The following DGKB variants were observed in gnomAD, a reference collection of about 807,000 sequenced individuals.
DGKB encodes 90 kDa diacylglycerol kinase.
A neutral mutation model predicts 114.3 loss-of-function variants in DGKB; 67 were observed. The ratio of observed to expected loss-of-function variants is 0.59; its 90% CI spans 0.48 to 0.72. The LOEUF (loss-of-function observed/expected upper bound fraction) is 0.72, where lower values mean the gene tolerates loss of function less well. DGKB is among the 30% of genes least tolerant of loss of function. The pLI, the probability that DGKB is intolerant of heterozygous loss-of-function variation, is 0.00. For synonymous variants in DGKB, 398 were observed against 323.1 expected (o/e 1.23, Z -2.49); for missense variants, 907 against 975.2 (o/e 0.93, Z 0.93).
chr7:14,841,820 A>G (rs1028718625), intron 1 of DGKB, among the ~76,000 whole-genome samples: 1 of 152,234 alleles, frequency 6.6e-6, no homozygotes, highest in African/African-American at 2.4e-5. Context: ...AATGTTCATC[A>G]GCACTAGCAT....
intron 20 of DGKB, among the ~76,000 whole-genome samples, chr7:14,548,991 G>A (rs1315014831): frequency 6.6e-6 from 1 of 151,314 alleles, no homozygotes; most frequent in Admixed American, 6.6e-5. Context: ...ATGAGGAGGA[G>A]TGAAATAACC....
chr7:14,411,343 A>T (rs1824845978), intron 21 of DGKB, among the ~76,000 whole-genome samples: 2 of 152,156 alleles, frequency 1.3e-5, no homozygotes, highest in South Asian at 4.1e-4. Flanking sequence ...TCAGGACGTA[A>T]ACCCATTGTA....
intron 20 of DGKB, among the ~76,000 whole-genome samples, chr7:14,544,866 G>C (rs1329379274): frequency 6.6e-6 from 1 of 151,896 alleles, no homozygotes; most frequent in Non-Finnish European, 1.5e-5. Flanking sequence ...TTTTTCCCCT[G>C]TAAGTCAGTT....
At chr7:14,301,103 TA>T in intron 23 of DGKB, among the ~76,000 whole-genome samples, 1 of 152,170 alleles carries the variant, frequency 6.6e-6, no homozygotes. Context: ...AATAAAAGAT[TA>T]CACTTTTTCT....
intron 5 of DGKB, among the ~76,000 whole-genome samples, chr7:14,720,733 G>C (rs1219760626): frequency 2.0e-5 from 3 of 151,494 alleles, no homozygotes; most frequent in Admixed American, 2.0e-4. Flanking sequence ...TATCAACAGA[G>C]ACATATATTG....
chr7:14,414,752 T>G (rs1825440914), intron 21 of DGKB, among the ~76,000 whole-genome samples: 1 of 152,150 alleles, frequency 6.6e-6, no homozygotes, highest in Non-Finnish European at 1.5e-5. Flanking sequence ...CACACAGTCC[T>G]TGACTTCATT....
rs1005205497 is a variant in DGKB at position 14,468,676 on chromosome 7, A to T, written c.1835+9485T>A. Among the ~76,000 whole-genome samples the T allele has an allele frequency of 4.6e-5, 7 of 151,754 alleles. 1 individual carries two copies. Among genetic ancestry groups the T allele is most frequent in the African/African-American group, 1.7e-4 (7 of 41,246 alleles). ...TTCCTGAAAGTTTGCGTGTAGGCAT[A>T]CAAGCTACAACAATGAGTAGAAATT... On this transcript the variant is annotated intron_variant, in intron 21 of 25. Transcript: ENST00000402815.
chr7:14,574,458 T>C, intron 19 of DGKB, 86 bp from the exon 20 acceptor site: 1 of 1,074,542 alleles, frequency 9.3e-7, no homozygotes, highest in Non-Finnish European at 1.3e-6. Flanking sequence ...CTTATGCATA[T>C]GTAATATTCT....
rs1362524971 is a variant in DGKB, at chr7:14,314,782, C to T, written c.2122+23733G>A. ...GTTCAGATTCAGGAAATACAGAGAACGCCACAAAGATACTCCTCGAGAAGA... is the reference window on the plus strand; with the variant it reads ...GTTCAGATTCAGGAAATACAGAGAATGCCACAAAGATACTCCTCGAGAAGA... On this transcript the variant is annotated intron_variant, in intron 23 of 25. Transcript: ENST00000402815. Among the ~76,000 whole-genome samples, 1,252 of 150,918 alleles carry T rather than the reference C, an allele frequency of 8.3e-3. 16 individuals carry two copies. The highest frequency in any genetic ancestry group is 0.029 in the African/African-American group (1,187 of 40,732).
chr7:14,488,116 T>G (rs1351063899), intron 20 of DGKB, among the ~76,000 whole-genome samples: 1 of 152,132 alleles, frequency 6.6e-6, no homozygotes, highest in African/African-American at 2.4e-5. Context: ...TAAGTTTTAA[T>G]AATCTTACTG....
intron 25 of DGKB, among the ~76,000 whole-genome samples, chr7:14,166,035 A>G (rs1343345755): frequency 1.3e-5 from 2 of 152,332 alleles, no homozygotes; most frequent in African/African-American, 2.4e-5. Context: ...TCCCGGTTCT[A>G]TAACTCTTTG....
chr7:14,511,553 T>A (rs1044775383), intron 20 of DGKB, among the ~76,000 whole-genome samples: 1 of 152,196 alleles, frequency 6.6e-6, no homozygotes, highest in African/African-American at 2.4e-5. Flanking sequence ...TTGCTCCATA[T>A]CAGTAATAAG....
At chr7:14,595,879 T>C (rs1178572793) in intron 17 of DGKB, among the ~76,000 whole-genome samples, 6 of 152,140 alleles carry the variant, frequency 3.9e-5, no homozygotes, top group Middle Eastern at 3.2e-3. Flanking sequence ...CAAGTCATCA[T>C]TGATAAAGTA....
At chr7:14,841,064 T>C in intron 2 of DGKB, 130 bp downstream of exon 2, 1 of 751,222 alleles carries the variant, frequency 1.3e-6, no homozygotes, top group Non-Finnish European at 2.1e-6. Flanking sequence ...CAACCTGACT[T>C]GTAAACACAA....
chr7:14,286,186 C>T (rs1171645041), intron 23 of DGKB, among the ~76,000 whole-genome samples: 1 of 152,124 alleles, frequency 6.6e-6, no homozygotes, highest in Non-Finnish European at 1.5e-5. Flanking sequence ...TACATGAAAT[C>T]TATCTTATAG....
intron 20 of DGKB, among the ~76,000 whole-genome samples, chr7:14,539,033 G>C (rs1457924432): frequency 6.6e-6 from 1 of 152,072 alleles, no homozygotes; most frequent in Non-Finnish European, 1.5e-5. Flanking sequence ...TACAAAATGA[G>C]TAAATCATTT....
intron 21 of DGKB, among the ~76,000 whole-genome samples, chr7:14,376,971 C>G (rs1402769111): frequency 6.6e-6 from 1 of 152,150 alleles, no homozygotes; most frequent in African/African-American, 2.4e-5. Context: ...TACTGCAAGG[C>G]CACATTGTGG....
intron 23 of DGKB, among the ~76,000 whole-genome samples, chr7:14,248,795 T>C (rs1403408192): frequency 6.6e-6 from 1 of 152,088 alleles, no homozygotes; most frequent in Non-Finnish European, 1.5e-5. Context: ...AAAGATACCA[T>C]TTTACTTCTT....
chr7:14,752,557 C>T (rs927630146), intron 4 of DGKB, among the ~76,000 whole-genome samples: 1 of 152,156 alleles, frequency 6.6e-6, no homozygotes, highest in African/African-American at 2.4e-5. Context: ...GTAATATGTG[C>T]AGGCTGTCAT....
Sources: gnomAD v4.1 joint callset for allele counts (sites outside exome capture counted in the v4.1 genomes callset) on GRCh38, gnomAD v4.1.1 for gene constraint, MANE v1.5 for transcripts, NCBI Gene and HGNC (gene_info 2026-07-23, HGNC 2026-07-21) for gene names.